Variants in ALDH1A2 observed in about 807,000 individuals in gnomAD.
The protein encoded by ALDH1A2 is aldehyde dehydrogenase 1 family member A2, also known as retinal dehydrogenase 2.
Under a neutral mutation model 60.3 loss-of-function variants are expected in ALDH1A2, and 27 were observed. The ratio of observed to expected loss-of-function variants is 0.45; its 90% CI spans 0.33 to 0.62. ALDH1A2 has a LOEUF of 0.62. Ranked by LOEUF, ALDH1A2 falls within the 20% of genes least tolerant of loss-of-function variation. The pLI is 0.02. For missense variants in ALDH1A2, 581 were observed against 643.8 expected, an observed-to-expected ratio of 0.90 and a Z score of 1.06; for synonymous variants, 289 against 232.4, an observed-to-expected ratio of 1.24 and a Z score of -2.21.
intron 1 of ALDH1A2, among the ~76,000 whole-genome samples, chr15:58,050,244 A>G (rs1050621834): frequency 2.6e-5 from 4 of 152,216 alleles, no homozygotes; most frequent in Non-Finnish European, 5.9e-5. Context: ...CCAGTGTACC[A>G]GTTTTAAAGA....
intron 4 of ALDH1A2, among the ~76,000 whole-genome samples, chr15:58,001,034 TAA>T (rs10641902): frequency 2.2e-4 from 28 of 126,226 alleles, no homozygotes; most frequent in African/African-American, 5.8e-4. Flanking sequence ...TCAAAATTGT[TAA>T]AAAAAAAAAA....
intron 1 of ALDH1A2, among the ~76,000 whole-genome samples, chr15:58,033,709 T>A (rs1469117838): frequency 2.0e-5 from 3 of 150,146 alleles, no homozygotes; most frequent in African/African-American, 7.3e-5. Context: ...TACATGTGAA[T>A]ATCTAGTTTT....
At chr15:57,955,352 A>G in intron 12 of ALDH1A2, 83 bp from the exon 13 acceptor site, 1 of 1,420,398 alleles carries the variant, frequency 7.0e-7, no homozygotes, top group Non-Finnish European at 9.9e-7. Flanking sequence ...GGGGAGGTGC[A>G]GTTTATCACC....
Position 57,965,718 on chromosome 15 carries a change from G to A in ALDH1A2, c.901+7C>T. On this transcript the variant is annotated splice_region_variant and intron_variant, in intron 8 of 12. Coordinates refer to ENST00000249750, the MANE Select transcript of ALDH1A2 (RefSeq NM_003888.4). ...TGGTTCATGTATGGGACCTGTAGTT[G>A]ACTTACAGTCAGCATCAGCAAAAAT... is the stretch of plus-strand genomic sequence containing the variant. 6.2e-7 allele frequency: 1 copy of A among 1,606,020 alleles called. No homozygotes were observed. The highest frequency in any genetic ancestry group is 1.3e-5 in the African/African-American group (1 of 74,918).
At chr15:58,049,349 C>A (rs1350077428) in intron 1 of ALDH1A2, among the ~76,000 whole-genome samples, 7 of 152,054 alleles carry the variant, frequency 4.6e-5, no homozygotes, top group Non-Finnish European at 8.8e-5. Context: ...TTCTGTGGCT[C>A]AATTTTCTCA....
intron 1 of ALDH1A2, among the ~76,000 whole-genome samples, chr15:58,019,602 C>T (rs1365782362): frequency 6.6e-6 from 1 of 152,098 alleles, no homozygotes; most frequent in African/African-American, 2.4e-5. Context: ...ACAGATGGTC[C>T]ATAAAAGAAG....
At chr15:57,960,749 A>G in intron 12 of ALDH1A2, 21 bp downstream of exon 12, 2 of 1,606,030 alleles carry the variant, frequency 1.2e-6, no homozygotes, top group Non-Finnish European at 1.7e-6. Context: ...CTCTGCAGGC[A>G]TCAGCAACTT....
intron 7 of ALDH1A2, among the ~76,000 whole-genome samples, chr15:57,983,102 G>T (rs1383018304): frequency 6.6e-6 from 1 of 152,166 alleles, no homozygotes; most frequent in Non-Finnish European, 1.5e-5. Context: ...TGCAGCTCTG[G>T]TGTTTAAATG....
At chr15:57,962,663 A>C (rs1353686456) in intron 9 of ALDH1A2, among the ~76,000 whole-genome samples, 1 of 152,154 alleles carries the variant, frequency 6.6e-6, no homozygotes, top group Non-Finnish European at 1.5e-5. Flanking sequence ...ACTTTAGAGG[A>C]AAATATTAAC....
intron 1 of ALDH1A2, among the ~76,000 whole-genome samples, chr15:58,024,399 C>A (rs1360256416): frequency 6.6e-6 from 1 of 152,064 alleles, no homozygotes; most frequent in African/African-American, 2.4e-5. Flanking sequence ...AAAGATATTC[C>A]ACTCACATGG....
At chr15:58,015,384 G>A (rs796841243) in intron 1 of ALDH1A2, among the ~76,000 whole-genome samples, 34 of 152,286 alleles carry the variant, frequency 2.2e-4, no homozygotes, top group African/African-American at 8.2e-4. Flanking sequence ...CCATGTAGAA[G>A]GAGGCACTGA....
intron 4 of ALDH1A2, among the ~76,000 whole-genome samples, chr15:58,005,159 C>T (rs552805218): frequency 6.6e-6 from 1 of 151,860 alleles, no homozygotes. Context: ...TACTTTGTGC[C>T]AGCTACTCCC....
At chr15:58,004,779 CATTTT>C (rs1407133789) in intron 4 of ALDH1A2, among the ~76,000 whole-genome samples, 1 of 146,436 alleles carries the variant, frequency 6.8e-6, no homozygotes, top group African/African-American at 2.5e-5. Flanking sequence ...CACTTAGGTT[CATTTT>C]ATTTACAATA....
rs1893474709 is a variant in ALDH1A2 at position 57,955,140 on chromosome 15, G to A, written c.*57C>T. On this transcript the variant is annotated 3_prime_UTR_variant, in exon 13 of 13. Coordinates refer to ENST00000249750, the MANE Select transcript of ALDH1A2 (RefSeq NM_003888.4). ...GTATTCCTGAGAGCTGGGCCCTACA[G>A]AGAAAGCAGAGAGGGACAGACGTGC... 11 of 1,539,724 alleles carry A rather than the reference G, an allele frequency of 7.1e-6. No homozygotes were observed. The highest frequency in any genetic ancestry group is 6.7e-5 in the Admixed American group (4 of 59,908).
At position 58,014,238 on chromosome 15, in the gene ALDH1A2, A is replaced by G; in HGVS notation, c.161T>C (p.Val54Ala). Residue 54 changes from valine (V) to alanine (A), a missense_variant, in exon 2 of 13, where the codon GTG (valine) becomes GCG (alanine). By Grantham distance (64) the Val-to-Ala change is moderately conservative. Coordinates refer to ENST00000249750, the MANE Select transcript of ALDH1A2 (RefSeq NM_003888.4). Reference sequence around the variant, plus strand: ...TGTGGCTGGATTATAGACAGGGAACACTCTCCCACTCTCTGAGTTCTGCCA... The same window carrying G: ...TGTGGCTGGATTATAGACAGGGAACGCTCTCCCACTCTCTGAGTTCTGCCA... Reference protein sequence around the residue: ...NEWQNSESGRVFPVYNPATGE... With the variant: ...NEWQNSESGRAFPVYNPATGE... 1 of 1,613,884 alleles carries G rather than the reference A, an allele frequency of 6.2e-7. No individual in the cohort carries two copies. Among genetic ancestry groups the G allele is most frequent in the South Asian group, 1.1e-5 (1 of 91,076 alleles).
intron 1 of ALDH1A2, among the ~76,000 whole-genome samples, chr15:58,024,228 GA>G (rs1459448138): frequency 1.1e-4 from 17 of 149,478 alleles, no homozygotes; most frequent in East Asian, 2.0e-4. Flanking sequence ...TAAACAATAA[GA>G]AAAAAAAAGA....
intron 1 of ALDH1A2, among the ~76,000 whole-genome samples, chr15:58,031,741 G>A (rs541199674): frequency 1.3e-5 from 2 of 152,248 alleles, no homozygotes; most frequent in East Asian, 1.9e-4. Context: ...GCAGCCAACA[G>A]ACACCTGAAA....
At chr15:57,960,431 A>C (rs34744389) in intron 12 of ALDH1A2, among the ~76,000 whole-genome samples, 1,946 of 152,282 alleles carry the variant, frequency 0.013, 48 homozygotes, top group African/African-American at 0.045. Flanking sequence ...TCCAGGAAAA[A>C]CGGTTACTTC....
intron 11 of ALDH1A2, 121 bp downstream of exon 11, chr15:57,961,016 C>T (rs769264499): frequency 6.3e-6 from 9 of 1,433,502 alleles, no homozygotes; most frequent in South Asian, 1.2e-5. Flanking sequence ...GAGTGTACCC[C>T]TTTTCTGGTG....
Sources: allele counts gnomAD v4.1 joint callset (sites outside exome capture counted in the v4.1 genomes callset), GRCh38; gene constraint gnomAD v4.1.1; transcripts MANE v1.5; gene names NCBI Gene and HGNC (gene_info 2026-07-23, HGNC 2026-07-21).